The following SHISAL1 variants were observed in gnomAD, a reference collection of about 807,000 sequenced individuals.
SHISAL1 encodes protein shisa-like-1.
Under a neutral mutation model 22.6 loss-of-function variants are expected in SHISAL1, and 9 were observed. That is an observed-to-expected ratio of 0.40 (90% CI 0.24 to 0.70). The LOEUF (loss-of-function observed/expected upper bound fraction) is 0.70, where lower values mean the gene tolerates loss of function less well. Among genes scored for constraint, SHISAL1 ranks in the 30% least tolerant of loss-of-function variants. SHISAL1 has a pLI of 0.39. For missense variants in SHISAL1, 246 were observed against 270.6 expected, an observed-to-expected ratio of 0.91 and a Z score of 0.64; for synonymous variants, 119 against 115.4, an observed-to-expected ratio of 1.03 and a Z score of -0.20.
At chr22:44,271,009 C>T (rs2147280576) in intron 4 of SHISAL1, among the ~76,000 whole-genome samples, 1 of 152,248 alleles carries the variant, frequency 6.6e-6, no homozygotes, top group South Asian at 2.1e-4. Context: ...GACCTCTTTC[C>T]CCACTCAGAG....
chr22:44,283,215 C>A (rs2055288669), intron 4 of SHISAL1, among the ~76,000 whole-genome samples: 1 of 152,168 alleles, frequency 6.6e-6, no homozygotes, highest in Non-Finnish European at 1.5e-5. Flanking sequence ...TTCTGACAAC[C>A]TTTTTTCACG....
chr22:44,267,442 C>T (rs1601782621), intron 4 of SHISAL1, among the ~76,000 whole-genome samples: 1 of 151,332 alleles, frequency 6.6e-6, no homozygotes, highest in Non-Finnish European at 1.5e-5. Flanking sequence ...GCCAATCTCA[C>T]GGACTCCACT....
intron 1 of SHISAL1, 51 bp from the exon 2 acceptor site, chr22:44,301,028 C>G: frequency 2.3e-6 from 3 of 1,302,364 alleles, no homozygotes; most frequent in South Asian, 2.4e-5. Flanking sequence ...TCGCCTGACA[C>G]TGGCTTTCCT....
chr22:44,311,713 G>A (rs1391306878), intron 1 of SHISAL1, among the ~76,000 whole-genome samples: 1 of 152,216 alleles, frequency 6.6e-6, no homozygotes, highest in Non-Finnish European at 1.5e-5. Context: ...CCCTGCTGAA[G>A]GCCCTAGATG....
chr22:44,276,277 G>A (rs931884674), intron 4 of SHISAL1, among the ~76,000 whole-genome samples: 1 of 152,172 alleles, frequency 6.6e-6, no homozygotes, highest in Non-Finnish European at 1.5e-5. Context: ...AGGTCTGGGT[G>A]GAGGGAACAG....
chr22:44,292,204 G>A (rs1195409826), intron 3 of SHISAL1, among the ~76,000 whole-genome samples: 7 of 152,202 alleles, frequency 4.6e-5, no homozygotes, highest in African/African-American at 1.7e-4. Context: ...GGGGTCGGGG[G>A]AAGGGCGATG....
chr22:44,261,414 C>T (rs111818211), intron 4 of SHISAL1, among the ~76,000 whole-genome samples: 83 of 152,236 alleles, frequency 5.5e-4, no homozygotes, highest in African/African-American at 1.7e-3. Flanking sequence ...CTCCCACAGG[C>T]CTTTTGTAAC....
Position 44,245,701 on chromosome 22 carries a change from G to A in SHISAL1, c.*3984C>T, listed in dbSNP as rs1403287116. The A allele has an allele frequency of 1.3e-5, 2 of 152,274 alleles. No homozygotes were observed. The highest frequency in any genetic ancestry group is 2.9e-5 in the Non-Finnish European group (2 of 68,112). 9.4% of individuals were successfully genotyped at this position (152,274 alleles called of 1,614,324 possible). ...AGTGCCAAGCACAGCCACACCCACAGCCCTGGTCTGTTTGCCATGACCTGA... is the reference window on the plus strand; with the variant it reads ...AGTGCCAAGCACAGCCACACCCACAACCCTGGTCTGTTTGCCATGACCTGA... On this transcript the variant is annotated 3_prime_UTR_variant, in exon 5 of 5. Transcript: ENST00000381176.
intron 4 of SHISAL1, among the ~76,000 whole-genome samples, chr22:44,263,051 G>A (rs1254606878): frequency 1.3e-5 from 2 of 149,562 alleles, no homozygotes; most frequent in Non-Finnish European, 3.0e-5. Context: ...GTGGGGCTGG[G>A]AGCCTTCACG....
At chr22:44,317,352 G>A (rs1037869911), upstream of SHISAL1, among the ~76,000 whole-genome samples, 2 of 152,208 alleles carry the variant, frequency 1.3e-5, no homozygotes, top group Non-Finnish European at 2.9e-5. Context: ...GGCGGTCCGC[G>A]CCCAGGAGGA....
At chr22:44,274,793 C>T (rs970610341) in intron 4 of SHISAL1, among the ~76,000 whole-genome samples, 1 of 152,138 alleles carries the variant, frequency 6.6e-6, no homozygotes, top group African/African-American at 2.4e-5. Flanking sequence ...AGCGGGATCC[C>T]GAGCGGCTTT....
At chr22:44,295,577 G>A (rs1049387461) in intron 3 of SHISAL1, among the ~76,000 whole-genome samples, 29 of 151,960 alleles carry the variant, frequency 1.9e-4, no homozygotes, top group Admixed American at 1.7e-3. Context: ...GGAAAAAGCA[G>A]TATAAAGTCA....
upstream of SHISAL1, among the ~76,000 whole-genome samples, chr22:44,314,817 T>A (rs970224341): frequency 2.6e-5 from 4 of 152,012 alleles, no homozygotes; most frequent in African/African-American, 9.7e-5. Context: ...ATGCATGGTG[T>A]TATGGCCAAA....
chr22:44,256,321 C>G (rs1477656308), intron 4 of SHISAL1, among the ~76,000 whole-genome samples: 2 of 152,170 alleles, frequency 1.3e-5, no homozygotes, highest in African/African-American at 4.8e-5. Context: ...GCCCTCGACT[C>G]ACACTGGAAC....
chr22:44,259,330 C>T (rs375151576), intron 4 of SHISAL1, among the ~76,000 whole-genome samples: 15 of 152,196 alleles, frequency 9.9e-5, no homozygotes, highest in Non-Finnish European at 2.2e-4. Flanking sequence ...CCCAGCTACT[C>T]AGGAGGCTGA....
At chr22:44,251,169 G>A (rs1258076216) in intron 4 of SHISAL1, among the ~76,000 whole-genome samples, 1 of 152,214 alleles carries the variant, frequency 6.6e-6, no homozygotes, top group African/African-American at 2.4e-5. Flanking sequence ...TTAGCTAAAA[G>A]AGGGTTAAGG....
At chr22:44,302,913 G>A (rs1029961112) in intron 1 of SHISAL1, among the ~76,000 whole-genome samples, 1 of 124,300 alleles carries the variant, frequency 8.0e-6, no homozygotes, top group African/African-American at 4.3e-5. Context: ...AAAGGCCCTG[G>A]GGTGGGTGCA....
chr22:44,293,032 GC>G (rs562505974), intron 3 of SHISAL1, among the ~76,000 whole-genome samples: 57 of 111,432 alleles, frequency 5.1e-4, no homozygotes, highest in African/African-American at 1.8e-3. Context: ...GCTAGACAGG[GC>G]CCCGGACCCC....
At chr22:44,262,255 C>T (rs1230820334) in intron 4 of SHISAL1, among the ~76,000 whole-genome samples, 1 of 152,190 alleles carries the variant, frequency 6.6e-6, no homozygotes, top group African/African-American at 2.4e-5. Flanking sequence ...CAAGGTCATT[C>T]AGAGGATCAC....
Sources: allele counts gnomAD v4.1 joint callset (sites outside exome capture counted in the v4.1 genomes callset), GRCh38; gene constraint gnomAD v4.1.1; transcripts MANE v1.5; gene names NCBI Gene and HGNC (gene_info 2026-07-23, HGNC 2026-07-21).